The following SETDB1 variants were observed in gnomAD, a reference collection of about 807,000 sequenced individuals.
SETDB1 encodes the protein histone-lysine N-methyltransferase SETDB1.
Under a neutral mutation model 137.4 loss-of-function variants are expected in SETDB1, and 31 were observed. That is an observed-to-expected ratio of 0.23 (90% CI 0.17 to 0.30). The LOEUF (loss-of-function observed/expected upper bound fraction) is 0.30. Among genes scored for constraint, SETDB1 ranks in the 10% least tolerant of loss-of-function variants. The pLI is 1.00. For missense variants in SETDB1, 1,113 were observed against 1,631.5 expected (o/e 0.68, Z 5.47); for synonymous variants, 548 against 579.9 (o/e 0.95, Z 0.79).
intron 2 of SETDB1, chr1:150,928,182 C>A: frequency 1.8e-6 from 1 of 562,286 alleles, no homozygotes; most frequent in East Asian, 3.1e-5. Flanking sequence ...CTCCCCCTCC[C>A]GAGTAGCTGG....
At chr1:150,926,593 C>T (rs1377141921) in intron 1 of SETDB1, 76 bp downstream of exon 1, 3 of 399,990 alleles carry the variant, frequency 7.5e-6, no homozygotes, top group South Asian at 1.7e-5. Context: ...GGGGGTCGGG[C>T]GAGGGTGGGA....
intron 2 of SETDB1, among the ~76,000 whole-genome samples, chr1:150,928,512 G>A (rs1669612501): frequency 6.6e-6 from 1 of 152,074 alleles, no homozygotes; most frequent in South Asian, 2.1e-4. Flanking sequence ...AGGGAGTGAG[G>A]ATTGTAAAGA....
At position 150,961,068 on chromosome 1, in the gene SETDB1, A is replaced by G. The variant is rs773983325; in HGVS notation, c.3009A>G (p.Ser1003=). 6.2e-7 allele frequency: 1 copy of G among 1,613,366 alleles called. No homozygotes were observed. Among genetic ancestry groups the G allele is most frequent in the South Asian group, 1.1e-5 (1 of 91,062 alleles). Residue 1003 remains serine (S), a synonymous_variant, in exon 16 of 22, where the codon TCA becomes TCG. Transcript: ENST00000692827. The part of the protein sequence containing the change: ...EGGFADSDSH[S]SFKTNEGGEG... ...GTTTTGCTGACTCTGATAGCCATTC[A>G]TCCTTCAAGACTAATGAAGGTGGGG... is the stretch of plus-strand genomic sequence containing the variant.
chr1:150,930,005 A>G lies in SETDB1; in HGVS notation c.299A>G (p.Tyr100Cys), dbSNP rs775078258. 3.1e-6 allele frequency: 5 copies of G among 1,613,864 alleles called. No individual in the cohort carries two copies. The highest frequency in any genetic ancestry group is 4.2e-6 in the Non-Finnish European group (5 of 1,179,906). ...TGTGAGTCTTTGGTGAAGGACTTCT[A>G]CTCCAAGCTGGGACTACAATACCGG... is the stretch of plus-strand genomic sequence containing the variant. ...TNCESLVKDF[Y>C]SKLGLQYRDS... The change falls in exon 3 of 22, where the codon TAC (tyrosine) becomes TGC (cysteine). Residue 100 changes from tyrosine (Y) to cysteine (C), a missense_variant. Tyr to Cys is a radical substitution (Grantham distance 194). Coordinates refer to ENST00000692827, the MANE Select transcript of SETDB1 (RefSeq NM_001366418.1).
chr1:150,926,655 A>G, intron 1 of SETDB1, 138 bp downstream of exon 1: 1 of 487,136 alleles, frequency 2.1e-6, no homozygotes, highest in South Asian at 1.5e-5. Context: ...GGGTTTGCGA[A>G]TGGGTAGGAC....
intron 3 of SETDB1, among the ~76,000 whole-genome samples, chr1:150,935,898 G>A (rs1243963385): frequency 6.6e-6 from 1 of 152,076 alleles, no homozygotes; most frequent in African/African-American, 2.4e-5. Flanking sequence ...TTCTTTGCAT[G>A]TCTCTTATCT....
intron 14 of SETDB1, among the ~76,000 whole-genome samples, chr1:150,952,009 G>A (rs1057172273): frequency 4.6e-5 from 7 of 151,980 alleles, no homozygotes; most frequent in African/African-American, 1.5e-4. Context: ...TTAGCCGGGG[G>A]TGGTGGCGGG....
At position 150,933,245 on chromosome 1, in the gene SETDB1, A is replaced by C. The variant is rs1342440755; in HGVS notation, c.412+3127A>C. Among the ~76,000 whole-genome samples, 5 of 151,390 alleles carry C rather than the reference A, an allele frequency of 3.3e-5. No homozygotes were observed. The South Asian group carries it at 1.0e-3, about 32-fold the overall frequency. On this transcript the variant is annotated intron_variant, in intron 3 of 21. Transcript: ENST00000692827. ...CAGCTAACTTTTTTTTTTGTAGTAG[A>C]GATAAGGTCTCACTATGTTGCCCAG... is the stretch of plus-strand genomic sequence containing the variant.
At chr1:150,933,454 G>A (rs1669830520) in intron 3 of SETDB1, among the ~76,000 whole-genome samples, 1 of 143,464 alleles carries the variant, frequency 7.0e-6, no homozygotes, top group South Asian at 2.2e-4. Context: ...TCTGCTCACT[G>A]CAACCTTTGC....
At chr1:150,941,208 A>C (rs1201394855) in intron 4 of SETDB1, 121 bp from the exon 5 acceptor site, 7 of 607,648 alleles carry the variant, frequency 1.2e-5, no homozygotes, top group Non-Finnish European at 2.1e-5. Flanking sequence ...AGTAACCATA[A>C]GCTTCCAAAC....
Position 150,942,568 on chromosome 1 carries a change from T to C in SETDB1, c.553T>C (p.Leu185=). 6.2e-7 allele frequency: 1 copy of C among 1,610,194 alleles called. No individual in the cohort carries two copies. The highest frequency in any genetic ancestry group is 8.5e-7 in the Non-Finnish European group (1 of 1,178,708). Residue 185 remains leucine (L), a synonymous_variant, in exon 6 of 22, where the codon TTG becomes CTG. Transcript: ENST00000692827. ...SSSQDLHKGT[L]SQMSGELSKD... ...TAACTTTGCTTCTTCTATAGGAACC[T>C]TGAGTCAGATGTCTGGAGAACTAAG...
intron 18 of SETDB1, 99 bp from the exon 19 acceptor site, chr1:150,962,875 T>C: frequency 6.7e-7 from 1 of 1,497,008 alleles, no homozygotes; most frequent in East Asian, 2.3e-5. Context: ...AATCTTCCTC[T>C]TGCCACCGCC....
intron 9 of SETDB1, among the ~76,000 whole-genome samples, chr1:150,945,714 T>C (rs1670301134): frequency 6.6e-6 from 1 of 152,188 alleles, no homozygotes; most frequent in Non-Finnish European, 1.5e-5. Flanking sequence ...CTTATCATGC[T>C]TTTTGTTTGG....
chr1:150,932,239 A>G (rs1438548172), intron 3 of SETDB1, among the ~76,000 whole-genome samples: 3 of 151,488 alleles, frequency 2.0e-5, no homozygotes, highest in Admixed American at 6.6e-5. Context: ...TTTTTTTAAA[A>G]AAAAAGAAAG....
intron 21 of SETDB1, 38 bp from the exon 22 acceptor site, chr1:150,964,209 C>T (rs763633561): frequency 6.3e-7 from 1 of 1,582,220 alleles, no homozygotes; most frequent in African/African-American, 1.3e-5. Flanking sequence ...GGGTTATCTG[C>T]TGTCTTTGCC....
At chr1:150,954,354 G>C (rs1339509030) in intron 14 of SETDB1, among the ~76,000 whole-genome samples, 2 of 152,050 alleles carry the variant, frequency 1.3e-5, no homozygotes, top group Admixed American at 1.3e-4. Context: ...CAAAAGAGTG[G>C]GGTATAGCAT....
chr1:150,927,707 A>G lies in SETDB1; in HGVS notation c.-8A>G. Reference sequence around the variant, plus strand: ...ATTTGTTTTCTGTTCCATGCAGAGGACAAAAGCATGTCTTCCCTTCCTGGG... The same window carrying G: ...ATTTGTTTTCTGTTCCATGCAGAGGGCAAAAGCATGTCTTCCCTTCCTGGG... On this transcript the variant is annotated 5_prime_UTR_variant, in exon 2 of 22. Transcript: ENST00000692827. 6.2e-7 allele frequency: 1 copy of G among 1,613,494 alleles called. No homozygotes were observed. Among genetic ancestry groups the G allele is most frequent in the Non-Finnish European group, 8.5e-7 (1 of 1,179,622 alleles).
chr1:150,949,913 C>T (rs1309643178), intron 12 of SETDB1, among the ~76,000 whole-genome samples: 1 of 152,154 alleles, frequency 6.6e-6, no homozygotes, highest in African/African-American at 2.4e-5. Context: ...CAGGCAAATA[C>T]ATTTTAGGAA....
At chr1:150,963,395 G>A (rs1558028700) in intron 19 of SETDB1, 135 bp from the exon 20 acceptor site, 1 of 864,288 alleles carries the variant, frequency 1.2e-6, no homozygotes, top group Admixed American at 2.3e-5. Flanking sequence ...TGCTACTTAG[G>A]ATCTTTGAGT....
Sources: gnomAD v4.1 joint callset for allele counts (sites outside exome capture counted in the v4.1 genomes callset) on GRCh38, gnomAD v4.1.1 for gene constraint, MANE v1.5 for transcripts, NCBI Gene and HGNC (gene_info 2026-07-23, HGNC 2026-07-21) for gene names.